NCAM1: variants seen among roughly 807,000 people sequenced by gnomAD.
NCAM1 encodes neural cell adhesion molecule 1.
Under a neutral mutation model 109.8 loss-of-function variants are expected in NCAM1, and 14 were observed. That is an observed-to-expected ratio of 0.13 (90% CI 0.08 to 0.20). The LOEUF is 0.20. NCAM1 is among the 10% of genes least tolerant of loss of function. The pLI, the probability that NCAM1 is intolerant of heterozygous loss-of-function variation, is 1.00. For missense variants in NCAM1, 774 were observed against 1,109.9 expected (o/e 0.70, Z 4.30); for synonymous variants, 418 against 442.9 (o/e 0.94, Z 0.70).
intron 1 of NCAM1, among the ~76,000 whole-genome samples, chr11:113,159,141 AATC>A (rs1438620522): frequency 6.6e-6 from 1 of 152,336 alleles, no homozygotes; most frequent in East Asian, 1.9e-4. Context: ...CCACAAGATT[AATC>A]ATCTAATATC....
intron 1 of NCAM1, among the ~76,000 whole-genome samples, chr11:113,179,593 T>C (rs1943268225): frequency 6.6e-6 from 1 of 152,214 alleles, no homozygotes; most frequent in Non-Finnish European, 1.5e-5. Flanking sequence ...CTCTGTCTGC[T>C]CTGCTTAATA....
chr11:113,199,829 T>TAAAAAAAA (rs1555111558), intron 1 of NCAM1, among the ~76,000 whole-genome samples: 2 of 115,778 alleles, frequency 1.7e-5, no homozygotes, highest in Admixed American at 9.0e-5. Context: ...GAAACACCCT[T>TAAAAAAAA]AAAAAAAAAA....
At chr11:113,015,751 C>CA (rs369330839) in intron 1 of NCAM1, among the ~76,000 whole-genome samples, 38 of 151,144 alleles carry the variant, frequency 2.5e-4, no homozygotes, top group African/African-American at 6.6e-4. Flanking sequence ...AAAACAAAAA[C>CA]AAAAAAAAGA....
chr11:113,133,474 A>G (rs1334249171), intron 1 of NCAM1: 3 of 152,356 alleles, frequency 2.0e-5, no homozygotes, highest in East Asian at 1.9e-4. Flanking sequence ...CCGTATTAAC[A>G]TGCTGAAACA....
chr11:113,177,639 G>T (rs1300109008), intron 1 of NCAM1, among the ~76,000 whole-genome samples: 1 of 152,078 alleles, frequency 6.6e-6, no homozygotes, highest in Non-Finnish European at 1.5e-5. Flanking sequence ...CATCATGTTG[G>T]TCAGGCTGGT....
At chr11:113,103,489 C>T (rs1379168329) in intron 1 of NCAM1, among the ~76,000 whole-genome samples, 3 of 152,174 alleles carry the variant, frequency 2.0e-5, no homozygotes, top group Admixed American at 6.5e-5. Flanking sequence ...CAAAAACTCT[C>T]AACCCAGTCA....
intron 1 of NCAM1, among the ~76,000 whole-genome samples, chr11:113,055,690 T>A (rs1363073631): frequency 1.3e-5 from 2 of 152,066 alleles, no homozygotes; most frequent in South Asian, 4.1e-4. Flanking sequence ...AAGTGAGACC[T>A]GTGATTTGTT....
At chr11:113,063,313 C>A (rs781954312) in intron 1 of NCAM1, among the ~76,000 whole-genome samples, 1 of 152,152 alleles carries the variant, frequency 6.6e-6, no homozygotes, top group Non-Finnish European at 1.5e-5. Flanking sequence ...TGTGGCCTGC[C>A]GTTAATGCCG....
At chr11:113,270,153 T>A in intron 17 of NCAM1, 35 bp from the exon 18 acceptor site, 1 of 1,607,154 alleles carries the variant, frequency 6.2e-7, no homozygotes, top group Non-Finnish European at 8.5e-7. Context: ...CGCATCTCAG[T>A]CTGTTAACCA....
intron 1 of NCAM1, among the ~76,000 whole-genome samples, chr11:113,074,852 G>A (rs933203294): frequency 2.6e-5 from 4 of 152,066 alleles, no homozygotes; most frequent in African/African-American, 9.7e-5. Context: ...GGCTGGTCTC[G>A]AACTCCTGAC....
chr11:113,213,985 T>A (rs1242382123), intron 7 of NCAM1, among the ~76,000 whole-genome samples: 1 of 152,192 alleles, frequency 6.6e-6, no homozygotes, highest in African/African-American at 2.4e-5. Context: ...TTCTTTGCTT[T>A]TATTCAGTCA....
chr11:113,124,804 T>C (rs1941112818), intron 1 of NCAM1, among the ~76,000 whole-genome samples: 1 of 152,234 alleles, frequency 6.6e-6, no homozygotes, highest in African/African-American at 2.4e-5. Flanking sequence ...TACTGACAGC[T>C]GGATTACTCC....
chr11:113,053,758 T>G (rs1953594990), intron 1 of NCAM1, among the ~76,000 whole-genome samples: 1 of 152,214 alleles, frequency 6.6e-6, no homozygotes, highest in African/African-American at 2.4e-5. Flanking sequence ...CTGACAGTAA[T>G]GATATTACTT....
chr11:113,220,602 C>CTTTTTTTTTTTTTT lies in NCAM1; in HGVS notation c.1060-684_1060-671dup, dbSNP rs1175342641. On this transcript the variant is annotated intron_variant, in intron 8 of 19. Coordinates refer to ENST00000316851, the MANE Select transcript of NCAM1 (RefSeq NM_181351.5). ...AGACCTATTCTCTCTCTCTCTCTCTCTTTTTTTTTTTTTTTTTTTTTTTGA... is the reference window on the plus strand; with the variant it reads ...AGACCTATTCTCTCTCTCTCTCTCTCTTTTTTTTTTTTTTTTTTTTTTTTTTTTTTTTTTTTTGA... Among the ~76,000 whole-genome samples, 120 of 75,592 alleles carry CTTTTTTTTTTTTTT rather than the reference C, an allele frequency of 1.6e-3. 5 individuals are homozygous for CTTTTTTTTTTTTTT. The highest frequency in any genetic ancestry group is 9.2e-3 in the East Asian group (17 of 1,838). 49.6% of individuals were successfully genotyped at this position (75,592 alleles called of 152,430 possible).
intron 1 of NCAM1, among the ~76,000 whole-genome samples, chr11:113,048,485 T>C (rs1953347920): frequency 6.6e-6 from 1 of 152,186 alleles, no homozygotes; most frequent in Admixed American, 6.5e-5. Context: ...AGCAAGGACT[T>C]CCCTTGTGGA....
chr11:113,147,600 A>G (rs1158040689), intron 1 of NCAM1, among the ~76,000 whole-genome samples: 2 of 152,214 alleles, frequency 1.3e-5, no homozygotes, highest in African/African-American at 4.8e-5. Context: ...GATTGCAATT[A>G]CAGTCTTTGT....
intron 8 of NCAM1, among the ~76,000 whole-genome samples, chr11:113,218,747 T>A (rs899392924): frequency 3.3e-5 from 5 of 152,240 alleles, no homozygotes; most frequent in African/African-American, 1.2e-4. Flanking sequence ...ACCTAATTGT[T>A]TGGATCATCG....
intron 1 of NCAM1, among the ~76,000 whole-genome samples, chr11:113,127,874 T>G (rs912701693): frequency 6.6e-6 from 1 of 152,170 alleles, no homozygotes; most frequent in African/African-American, 2.4e-5. Flanking sequence ...ATATTTGCCC[T>G]TAGATACAAA....
chr11:113,211,061 A>T (rs1209204464), intron 7 of NCAM1, among the ~76,000 whole-genome samples: 1 of 152,056 alleles, frequency 6.6e-6, no homozygotes, highest in Non-Finnish European at 1.5e-5. Flanking sequence ...TTCCCTTCTC[A>T]TCCTCCTTTC....
Sources: gnomAD v4.1 joint callset for allele counts (sites outside exome capture counted in the v4.1 genomes callset) on GRCh38, gnomAD v4.1.1 for gene constraint, MANE v1.5 for transcripts, NCBI Gene and HGNC (gene_info 2026-07-23, HGNC 2026-07-21) for gene names.